CYB5RL: variants seen among roughly 807,000 people sequenced by gnomAD.
CYB5RL encodes the protein NADH-cytochrome b5 reductase-like.
A neutral mutation model predicts 37.5 loss-of-function variants in CYB5RL; 38 were observed. The ratio of observed to expected loss-of-function variants is 1.01; its 90% CI spans 0.78 to 1.33. The LOEUF (loss-of-function observed/expected upper bound fraction) is 1.33. Among genes scored for constraint, CYB5RL ranks in the 40% most tolerant of loss-of-function variants. The pLI is 0.00. For synonymous variants in CYB5RL, 141 were observed against 151.9 expected, an observed-to-expected ratio of 0.93 and a Z score of 0.53; for missense variants, 388 against 394.4, an observed-to-expected ratio of 0.98 and a Z score of 0.14.
chr1:54,180,289 A>ACTC (rs1660127338), intron 6 of CYB5RL: 2 of 381,164 alleles, frequency 5.2e-6, no homozygotes, highest in Non-Finnish European at 1.0e-5. Flanking sequence ...AGTTCCATCA[A>ACTC]CTCCTCCTCA....
rs1460204476 is a variant in CYB5RL at position 54,172,889 on chromosome 1, G to A, written c.*1730C>T. 6.6e-6 allele frequency: 1 copy of A among 152,206 alleles called. No individual in the cohort carries two copies. The highest frequency in any genetic ancestry group is 1.5e-5 in the Non-Finnish European group (1 of 68,056). The allele number at this position is 152,206 out of a possible 1,614,324, so 9.4% of individuals were successfully genotyped here. Reference sequence around the variant, plus strand: ...ACATACTAGGCAGGAAGAGATCATGGTTCCTGCTCAGAATCTTTGACTCTC... The same window carrying A: ...ACATACTAGGCAGGAAGAGATCATGATTCCTGCTCAGAATCTTTGACTCTC... On this transcript the variant is annotated 3_prime_UTR_variant, in exon 8 of 8. Coordinates refer to ENST00000534324, the MANE Select transcript of CYB5RL (RefSeq NM_001031672.4).
chr1:54,184,050 C>T, intron 6 of CYB5RL, 111 bp downstream of exon 6: 1 of 802,192 alleles, frequency 1.2e-6, no homozygotes, highest in Non-Finnish European at 2.0e-6. Context: ...AAGGATACAC[C>T]TGGGATTGTG....
chr1:54,174,961 G>T, intron 7 of CYB5RL, 139 bp from the exon 8 acceptor site: 1 of 787,376 alleles, frequency 1.3e-6, no homozygotes, highest in Non-Finnish European at 2.0e-6. Context: ...CCCACCATGG[G>T]CCAGGCATTT....
intron 3 of CYB5RL, among the ~76,000 whole-genome samples, chr1:54,192,901 C>T (rs948958247): frequency 6.6e-6 from 1 of 151,996 alleles, no homozygotes; most frequent in East Asian, 1.9e-4. Flanking sequence ...ACTACAGGTG[C>T]GTGCCACCAC....
intron 7 of CYB5RL, among the ~76,000 whole-genome samples, chr1:54,178,931 C>T (rs907188953): frequency 6.6e-6 from 1 of 152,234 alleles, no homozygotes; most frequent in Non-Finnish European, 1.5e-5. Flanking sequence ...TGTCCAGCAG[C>T]GTGAGCCGGT....
In CYB5RL at chr1:54,187,748, C is replaced by G; in HGVS notation, c.348-9G>C. 6.2e-7 allele frequency: 1 copy of G among 1,611,618 alleles called. No homozygotes were observed. Among genetic ancestry groups the G allele is most frequent in the Non-Finnish European group, 8.5e-7 (1 of 1,177,728 alleles). The stretch of plus-strand genomic sequence containing the variant: ...AGTCATCTACTATCCCTCTGAGAAA[C>G]AGAAGTGTGCAGTCAGTCAGCCAGT... On this transcript the variant is annotated splice_polypyrimidine_tract_variant and intron_variant, in intron 4 of 7. Transcript: ENST00000534324.
At chr1:54,174,927 G>T in intron 7 of CYB5RL, 105 bp from the exon 8 acceptor site, 1 of 1,198,860 alleles carries the variant, frequency 8.3e-7, no homozygotes, top group Non-Finnish European at 1.2e-6. Flanking sequence ...GGCAGAGGGT[G>T]TAGGAAGCCA....
Position 54,184,266 on chromosome 1 carries a change from C to T in CYB5RL, c.436-1G>A, listed in dbSNP as rs1417631655. ...GGGACATCAGCCCCATCTGGTAGCA[C>T]TGGAAGCAAACACAGGGAGACGTCA... On this transcript the variant is annotated splice_acceptor_variant, in intron 5 of 7. Coordinates refer to ENST00000534324, the MANE Select transcript of CYB5RL (RefSeq NM_001031672.4). LOFTEE classifies it high-confidence loss of function. The T allele has an allele frequency of 1.2e-6, 2 of 1,612,928 alleles. No individual in the cohort carries two copies. The highest frequency in any genetic ancestry group is 1.1e-5 in the South Asian group (1 of 90,744).
rs977117993 is a variant in CYB5RL, at chr1:54,179,361, C to T, written c.541-9G>A. The T allele has an allele frequency of 1.2e-6, 2 of 1,609,952 alleles. No homozygotes were observed. The highest frequency in any genetic ancestry group is 8.5e-7 in the Non-Finnish European group (1 of 1,178,864). The stretch of plus-strand genomic sequence containing the variant: ...AAGAGGAGCTCACCATACTGGGGAA[C>T]AGAAGGGGTATGTATGACAGGTGGG... On this transcript the variant is annotated splice_polypyrimidine_tract_variant and intron_variant, in intron 6 of 7. Transcript: ENST00000534324.
Position 54,171,933 on chromosome 1 carries a change from G to T in CYB5RL, c.*2686C>A, listed in dbSNP as rs1374078712. ...TTAGGCTTCTTGGCACCAAGGGCACGGCTGGGTCCCCACCAATGTCCCATG... is the reference window on the plus strand; with the variant it reads ...TTAGGCTTCTTGGCACCAAGGGCACTGCTGGGTCCCCACCAATGTCCCATG... On this transcript the variant is annotated 3_prime_UTR_variant, in exon 8 of 8. Coordinates refer to ENST00000534324, the MANE Select transcript of CYB5RL (RefSeq NM_001031672.4). The T allele has an allele frequency of 5.9e-6, 1 of 170,458 alleles. No homozygotes were observed. Among genetic ancestry groups the T allele is most frequent in the Non-Finnish European group, 1.3e-5 (1 of 77,198 alleles). The allele number at this position is 170,458 out of a possible 1,614,324, so 10.6% of individuals were successfully genotyped here.
At chr1:54,178,003 C>T (rs2100458954) in intron 7 of CYB5RL, among the ~76,000 whole-genome samples, 1 of 152,340 alleles carries the variant, frequency 6.6e-6, no homozygotes, top group South Asian at 2.1e-4. Flanking sequence ...TGCTGCTGGG[C>T]AACAGTGGCC....
chr1:54,180,299 A>G (rs1570102275), intron 6 of CYB5RL: 1 of 378,928 alleles, frequency 2.6e-6, no homozygotes, highest in African/African-American at 2.1e-5. Flanking sequence ...ACTCCTCCTC[A>G]CTGAATCTAT....
intron 6 of CYB5RL, among the ~76,000 whole-genome samples, chr1:54,179,607 T>C (rs1660108259): frequency 6.6e-6 from 1 of 152,208 alleles, no homozygotes; most frequent in African/African-American, 2.4e-5. Flanking sequence ...ATCCTGTAAG[T>C]GGCCTGGTTG....
intron 4 of CYB5RL, among the ~76,000 whole-genome samples, chr1:54,189,403 G>A (rs189254696): frequency 1.1e-3 from 170 of 152,212 alleles, no homozygotes; most frequent in African/African-American, 4.0e-3. Context: ...AGGGCAAATC[G>A]GGACAGGAAG....
Position 54,184,167 on chromosome 1 carries a change from T to G in CYB5RL, c.534A>C (p.Pro178=). The G allele has an allele frequency of 1.2e-6, 2 of 1,613,028 alleles. No homozygotes were observed. The highest frequency in any genetic ancestry group is 1.7e-6 in the Non-Finnish European group (2 of 1,179,582). ...TTAAGGTGCTGGCACTGACCTGGTT[T>G]GGTTTATAGAAGAAATCTCCGAAAG... ...RGPFGDFFYK[P]NQYGELLLLA... is the part of the protein sequence containing the mutation. The change falls in exon 6 of 8, where the codon CCA becomes CCC. Residue 178 remains proline (P), a synonymous_variant. Coordinates refer to ENST00000534324, the MANE Select transcript of CYB5RL (RefSeq NM_001031672.4).
chr1:54,194,580 G>A (rs1303862103), intron 3 of CYB5RL, among the ~76,000 whole-genome samples: 2 of 151,976 alleles, frequency 1.3e-5, no homozygotes, highest in South Asian at 2.1e-4. Context: ...AGGCTGAGGC[G>A]GGAGGATCAC....
chr1:54,195,309 T>C, intron 3 of CYB5RL, 110 bp downstream of exon 3: 1 of 1,274,964 alleles, frequency 7.8e-7, no homozygotes, highest in Non-Finnish European at 1.0e-6. Context: ...TTATGCATAC[T>C]CTTTTCTTCT....
At chr1:54,198,453 C>T (rs1644035753) in intron 1 of CYB5RL, among the ~76,000 whole-genome samples, 1 of 151,620 alleles carries the variant, frequency 6.6e-6, no homozygotes, top group African/African-American at 2.4e-5. Context: ...TTGCCTCAGC[C>T]TCCCGAGTAG....
chr1:54,189,430 C>T (rs563041901), intron 4 of CYB5RL, among the ~76,000 whole-genome samples: 6 of 151,950 alleles, frequency 3.9e-5, no homozygotes, highest in Admixed American at 1.3e-4. Flanking sequence ...GGGAATGGGG[C>T]GTGGAGCAGG....
Sources: gnomAD v4.1 joint callset for allele counts (sites outside exome capture counted in the v4.1 genomes callset) on GRCh38, gnomAD v4.1.1 for gene constraint, MANE v1.5 for transcripts, NCBI Gene and HGNC (gene_info 2026-07-23, HGNC 2026-07-21) for gene names.